RELL1: variants seen among roughly 807,000 people sequenced by gnomAD.
RELL1 encodes the protein RELT-like protein 1.
A neutral mutation model predicts 23.0 loss-of-function variants in RELL1; 10 were observed. The ratio of observed to expected loss-of-function variants is 0.43; its 90% CI spans 0.27 to 0.74. The LOEUF (loss-of-function observed/expected upper bound fraction) is 0.74, where lower values mean the gene tolerates loss of function less well. Among genes scored for constraint, RELL1 ranks in the 30% least tolerant of loss-of-function variants. The pLI, the probability that RELL1 is intolerant of heterozygous loss-of-function variation, is 0.19. For synonymous variants in RELL1, 146 were observed against 146.8 expected (o/e 0.99, Z 0.04); for missense variants, 315 against 364.4 (o/e 0.86, Z 1.10).
At chr4:37,642,085 C>G (rs895632295) in intron 3 of RELL1, among the ~76,000 whole-genome samples, 3 of 152,098 alleles carry the variant, frequency 2.0e-5, no homozygotes, top group African/African-American at 7.2e-5. Flanking sequence ...TGTCCAAGTC[C>G]CCGCCCAAAG....
At chr4:37,593,894 C>T (rs903067495) in intron 6 of RELL1, among the ~76,000 whole-genome samples, 4 of 152,056 alleles carry the variant, frequency 2.6e-5, no homozygotes, top group African/African-American at 7.2e-5. Context: ...AACTCCAAAC[C>T]GGACGAAAAG....
chr4:37,605,826 AG>A (rs1719188478), downstream of RELL1, among the ~76,000 whole-genome samples: 2 of 122,562 alleles, frequency 1.6e-5, no homozygotes, highest in African/African-American at 5.2e-5. Context: ...AAAGAAAGAA[AG>A]AAAGAAAGAA....
chr4:37,659,540 T>C (rs1304683398), intron 1 of RELL1, among the ~76,000 whole-genome samples: 2 of 152,206 alleles, frequency 1.3e-5, no homozygotes, highest in African/African-American at 2.4e-5. Context: ...ATTACCAAGA[T>C]GGCTAAATGT....
chr4:37,619,061 T>C (rs1218507108), intron 6 of RELL1, among the ~76,000 whole-genome samples: 1 of 151,964 alleles, frequency 6.6e-6, no homozygotes, highest in Non-Finnish European at 1.5e-5. Context: ...GTATTTTTAA[T>C]AGAGATGGGG....
intron 1 of RELL1, among the ~76,000 whole-genome samples, chr4:37,678,906 G>A (rs574388128): frequency 2.6e-4 from 39 of 152,172 alleles, no homozygotes; most frequent in Non-Finnish European, 4.1e-4. Context: ...CAAACAAAAT[G>A]GGAGAGGAGG....
intron 3 of RELL1, among the ~76,000 whole-genome samples, chr4:37,642,913 G>A (rs901549675): frequency 5.9e-5 from 9 of 152,232 alleles, no homozygotes; most frequent in African/African-American, 1.7e-4. Flanking sequence ...GAGAGGGCAG[G>A]AAAGCTCTGC....
At chr4:37,595,936 G>A (rs1718825214) in intron 6 of RELL1, among the ~76,000 whole-genome samples, 1 of 152,174 alleles carries the variant, frequency 6.6e-6, no homozygotes, top group Non-Finnish European at 1.5e-5. Context: ...GAAAAAAAGG[G>A]TGTATATTCG....
intron 3 of RELL1, among the ~76,000 whole-genome samples, chr4:37,639,415 G>T (rs75695203): frequency 0.012 from 1,626 of 140,690 alleles, 35 homozygotes; most frequent in African/African-American, 0.039. Flanking sequence ...AAAATTTCAA[G>T]TATTGATCAC....
In RELL1 at chr4:37,619,284, GCGATTCTCCTGCCTTAGCCTCC is replaced by G. The variant is rs1163466388; in HGVS notation, c.*4-5964_*4-5943del. Among the ~76,000 whole-genome samples, 5 of 152,198 alleles carry G rather than the reference GCGATTCTCCTGCCTTAGCCTCC, an allele frequency of 3.3e-5. No individual in the cohort carries two copies. In the Middle Eastern group the frequency reaches 0.01, roughly 311 times the overall value. ...TGCAACCTCCGCCTCCCAAGTTCGA[GCGATTCTCCTGCCTTAGCCTCC>G]CGAGTAGCTGGGACTACAGGCGTGC... On this transcript the variant is annotated intron_variant, in intron 6 of 6. Transcript: ENST00000454158.
rs1577576018 is a variant in RELL1 at position 37,631,380 on chromosome 4, C to T, written c.*3+5G>A. On this transcript the variant is annotated splice_donor_5th_base_variant and intron_variant, in intron 6 of 6. Coordinates refer to ENST00000454158, the MANE Select transcript of RELL1 (RefSeq NM_001085400.2). The stretch of plus-strand genomic sequence containing the variant: ...GCCCCCAATGTCACCAAAACCACGG[C>T]TCACCTGCTACTCTGTGCCACTGCG... The T allele has an allele frequency of 3.7e-6, 6 of 1,611,558 alleles. No homozygotes were observed. Among genetic ancestry groups the T allele is most frequent in the Non-Finnish European group, 4.2e-6 (5 of 1,178,810 alleles).
chr4:37,630,683 T>G (rs1403729806), intron 6 of RELL1, among the ~76,000 whole-genome samples: 2 of 148,658 alleles, frequency 1.3e-5, no homozygotes, highest in African/African-American at 4.9e-5. Context: ...CTGCGTGTTG[T>G]TTTTTTTTTA....
intron 4 of RELL1, among the ~76,000 whole-genome samples, chr4:37,637,677 A>G (rs188466603): frequency 2.4e-4 from 36 of 152,294 alleles, no homozygotes; most frequent in Admixed American, 2.3e-3. Context: ...CCTCCATGGC[A>G]AGGGTCTGTG....
At position 37,647,472 on chromosome 4, in the gene RELL1, A is replaced by C. The variant is rs748438727; in HGVS notation, c.314-33T>G. The C allele has an allele frequency of 3.5e-6, 5 of 1,439,566 alleles. No homozygotes were observed. In the Admixed American group the frequency reaches 8.4e-5, roughly 24 times the overall value. 89.2% of individuals were successfully genotyped at this position (1,439,566 alleles called of 1,614,324 possible). ...AGAAAAGAGGAGGGGAGAACAGGTT[A>C]CAATTGGTCACCAGCATCAAGTCAA... On this transcript the variant is annotated intron_variant, in intron 2 of 6. Transcript: ENST00000454158.
Position 37,686,164 on chromosome 4 carries a change from C to T in RELL1, c.88+36G>A, listed in dbSNP as rs758628211. The T allele has an allele frequency of 2.0e-5, 30 of 1,533,666 alleles. No homozygotes were observed. The Middle Eastern group carries it at 5.1e-4, about 26-fold the overall frequency. On this transcript the variant is annotated intron_variant, in intron 1 of 6. Coordinates refer to ENST00000454158, the MANE Select transcript of RELL1 (RefSeq NM_001085400.2). ...CCTTCCGCGCTCCCGGGACCGGGCTCAGCACCCGGCGCCCCGGCTACGACC... is the reference window on the plus strand; with the variant it reads ...CCTTCCGCGCTCCCGGGACCGGGCTTAGCACCCGGCGCCCCGGCTACGACC...
rs971176586 is a variant in RELL1 at position 37,612,293 on chromosome 4, G to C, written c.*1053C>G. 3.6e-5 allele frequency among the ~76,000 whole-genome samples: 5 copies of C among 140,034 alleles called. No homozygotes were observed. Among genetic ancestry groups the C allele is most frequent in the African/African-American group, 1.1e-4 (4 of 37,914 alleles). 91.9% of individuals were successfully genotyped at this position (140,034 alleles called of 152,430 possible). ...CAACCATTTTCTCCTTTATTCAATG[G>C]ATTAACCAAGAATCGCTCAGCTAAA... On this transcript the variant is annotated 3_prime_UTR_variant, in exon 7 of 7. Coordinates refer to ENST00000454158, the MANE Select transcript of RELL1 (RefSeq NM_001085400.2).
chr4:37,615,868 A>C (rs1719557760), intron 6 of RELL1, among the ~76,000 whole-genome samples: 1 of 152,214 alleles, frequency 6.6e-6, no homozygotes, highest in Non-Finnish European at 1.5e-5. Context: ...TAATCTTATA[A>C]AGATAAAGCC....
intron 6 of RELL1, among the ~76,000 whole-genome samples, chr4:37,626,146 A>G (rs1210703004): frequency 1.3e-5 from 2 of 152,202 alleles, no homozygotes; most frequent in African/African-American, 4.8e-5. Context: ...ATACATTATT[A>G]CAGTCATCAT....
At chr4:37,684,929 G>A (rs1722348550) in intron 1 of RELL1, among the ~76,000 whole-genome samples, 1 of 152,022 alleles carries the variant, frequency 6.6e-6, no homozygotes, top group Non-Finnish European at 1.5e-5. Flanking sequence ...CTCCAGTCTG[G>A]GTGACAAAAT....
At chr4:37,624,672 G>A (rs1274121712) in intron 6 of RELL1, among the ~76,000 whole-genome samples, 4 of 151,672 alleles carry the variant, frequency 2.6e-5, no homozygotes, top group Non-Finnish European at 2.9e-5. Context: ...CTCGTGATCC[G>A]CCCACCTCGG....
Sources: gnomAD v4.1 joint callset for allele counts (sites outside exome capture counted in the v4.1 genomes callset) on GRCh38, gnomAD v4.1.1 for gene constraint, MANE v1.5 for transcripts, NCBI Gene and HGNC (gene_info 2026-07-23, HGNC 2026-07-21) for gene names.